The following MAST2 variants were observed in gnomAD, a reference collection of about 807,000 sequenced individuals.
MAST2 encodes microtubule-associated serine/threonine-protein kinase 2.
MAST2 carries 70 observed loss-of-function variants against 147.4 expected under a neutral mutation model. The observed-to-expected ratio is 0.47, with a 90% CI of 0.39 to 0.58. The LOEUF is 0.58. Among genes scored for constraint, MAST2 ranks in the 20% least tolerant of loss-of-function variants. The pLI, the probability that MAST2 is intolerant of heterozygous loss-of-function variation, is 0.00. For synonymous variants in MAST2, 869 were observed against 896.8 expected (o/e 0.97, Z 0.55); for missense variants, 2,080 against 2,302.3 (o/e 0.90, Z 1.98).
intron 4 of MAST2, among the ~76,000 whole-genome samples, chr1:45,939,533 AT>A (rs143649147): frequency 0.48 from 66,720 of 140,448 alleles, 15,288 homozygotes; most frequent in East Asian, 0.66. Context: ...CAATTTTTCA[AT>A]TTTTTTTTGG....
chr1:46,018,099 C>T (rs1193512775), intron 10 of MAST2, among the ~76,000 whole-genome samples: 1 of 152,130 alleles, frequency 6.6e-6, no homozygotes, highest in Non-Finnish European at 1.5e-5. Flanking sequence ...CCTAAACTTC[C>T]TTCCCCAGTT....
intron 3 of MAST2, among the ~76,000 whole-genome samples, chr1:45,876,455 T>C (rs1646610589): frequency 6.6e-6 from 1 of 152,178 alleles, no homozygotes; most frequent in Non-Finnish European, 1.5e-5. Context: ...AGTCAAGAGA[T>C]AATGAGTAGA....
chr1:46,032,026 C>T (rs534571856), intron 24 of MAST2, 152 bp from the exon 25 acceptor site: 28 of 648,190 alleles, frequency 4.3e-5, no homozygotes, highest in South Asian at 9.3e-5. Flanking sequence ...GGTCTGGACA[C>T]GGGAGAGGGC....
rs529476840 is a variant in MAST2, at chr1:45,959,466, A to G, written c.581A>G (p.His194Arg). The change falls in exon 5 of 29, where the codon CAT becomes CGT. Residue 194 changes from histidine to arginine, a missense_variant. Physicochemically the swap from His to Arg is conservative, Grantham distance 29. This residue lies in a region of MAST2 where 569 missense variants were observed against 642.5 expected (regional missense o/e 0.89). Coordinates refer to ENST00000361297, the MANE Select transcript of MAST2 (RefSeq NM_015112.3). Reference protein sequence around the residue: ...PTLPRPHSPLHGHTGNSPLDS... With the variant: ...PTLPRPHSPLRGHTGNSPLDS... ...CTACCACGGCCACACTCACCACTCC[A>G]TGGCCACACAGGTGAGTGCTTGAAG... 18 of 1,613,414 alleles carry G rather than the reference A, an allele frequency of 1.1e-5. No homozygotes were observed. In the East Asian group the frequency reaches 3.1e-4, roughly 28 times the overall value.
chr1:46,018,796 A>G (rs889054135), intron 10 of MAST2, among the ~76,000 whole-genome samples: 3 of 152,156 alleles, frequency 2.0e-5, no homozygotes, highest in African/African-American at 7.2e-5. Context: ...AGTTCTCAGG[A>G]AAAAAGAGAA....
rs2149236662 is a variant in MAST2 at position 46,010,831 on chromosome 1, T to C, written c.1080T>C (p.His360=). ...LADGALSFIH[H]QVIEMARDCL... is the part of the protein sequence containing the mutation. ...ATGGAGCCCTGAGCTTTATTCATCA[T>C]CAGGTGATTGAGATGGCCCGAGACT... Residue 360 remains histidine, a synonymous_variant, in exon 10 of 29, where the codon CAT becomes CAC. Transcript: ENST00000361297. 1 of 1,614,224 alleles carries C rather than the reference T, an allele frequency of 6.2e-7. No individual in the cohort carries two copies.
intron 5 of MAST2, among the ~76,000 whole-genome samples, chr1:45,985,973 G>A (rs1441823319): frequency 6.6e-6 from 1 of 152,084 alleles, no homozygotes. Flanking sequence ...TATTCCAGTA[G>A]CTTTATTGTA....
chr1:45,812,556 A>G (rs1644336093), intron 1 of MAST2, among the ~76,000 whole-genome samples: 1 of 151,452 alleles, frequency 6.6e-6, no homozygotes, highest in African/African-American at 2.4e-5. Flanking sequence ...GCCTCCCAGT[A>G]GCTGGGATTA....
chr1:45,931,386 T>G (rs1655277370), intron 4 of MAST2, among the ~76,000 whole-genome samples: 1 of 147,630 alleles, frequency 6.8e-6, no homozygotes, highest in Admixed American at 6.8e-5. Flanking sequence ...TGTTTTTTTT[T>G]TTTTTTTTTT....
At chr1:45,814,342 A>G (rs1644390407) in intron 1 of MAST2, among the ~76,000 whole-genome samples, 1 of 152,192 alleles carries the variant, frequency 6.6e-6, no homozygotes, top group South Asian at 2.1e-4. Flanking sequence ...ATTGCCCCTG[A>G]ATACCTTCCC....
At chr1:46,026,520 A>G (rs1188668196) in intron 16 of MAST2, among the ~76,000 whole-genome samples, 1 of 152,206 alleles carries the variant, frequency 6.6e-6, no homozygotes, top group Non-Finnish European at 1.5e-5. Flanking sequence ...ATAGAATGGC[A>G]TGCCCAGATT....
At chr1:45,960,000 G>A (rs1458266799) in intron 5 of MAST2, among the ~76,000 whole-genome samples, 2 of 152,076 alleles carry the variant, frequency 1.3e-5, no homozygotes, top group African/African-American at 4.8e-5. Context: ...TGAAATCCTA[G>A]GCTCGAGTGA....
At position 45,959,215 on chromosome 1, in the gene MAST2, G is replaced by T. The variant is rs557335793; in HGVS notation, c.501-171G>T. On this transcript the variant is annotated intron_variant, in intron 4 of 28. Coordinates refer to ENST00000361297, the MANE Select transcript of MAST2 (RefSeq NM_015112.3). ...AAGTTATTCCAAGGAGGAACACAGT[G>T]CTTTATGGAATCTAACTGGTGCCGA... 2.6e-4 allele frequency among the ~76,000 whole-genome samples: 40 copies of T among 152,280 alleles called. No homozygotes were observed. The South Asian group carries it at 7.9e-3, about 30-fold the overall frequency.
intron 6 of MAST2, chr1:46,001,071 T>C (rs1366022200): frequency 1.8e-5 from 18 of 1,018,266 alleles, no homozygotes; most frequent in Non-Finnish European, 2.4e-5. Context: ...TGAAAACTGG[T>C]TGTGATGATT....
intron 5 of MAST2, among the ~76,000 whole-genome samples, chr1:45,967,477 G>A (rs946633207): frequency 3.3e-5 from 5 of 152,114 alleles, no homozygotes; most frequent in Admixed American, 2.0e-4. Context: ...TATGTTTTAT[G>A]TATTATATAC....
intron 4 of MAST2, among the ~76,000 whole-genome samples, chr1:45,935,116 T>G (rs928629643): frequency 1.3e-5 from 2 of 152,232 alleles, no homozygotes; most frequent in African/African-American, 4.8e-5. Context: ...AAATGGTATC[T>G]CCTTGTGGTT....
chr1:46,033,416 G>A (rs1417124589), intron 26 of MAST2, among the ~76,000 whole-genome samples: 1 of 151,796 alleles, frequency 6.6e-6, no homozygotes, highest in Non-Finnish European at 1.5e-5. Flanking sequence ...TCCAGCCTGG[G>A]TGACAGAGTG....
chr1:46,035,533 C>A lies in MAST2; in HGVS notation c.4864C>A (p.Leu1622Ile), dbSNP rs1571316568. The A allele has an allele frequency of 6.2e-7, 1 of 1,613,432 alleles. No homozygotes were observed. Residue 1622 changes from leucine (L) to isoleucine (I), a missense_variant, in exon 29 of 29, where the codon CTC becomes ATC. Leu to Ile is a conservative substitution (Grantham distance 5). Transcript: ENST00000361297. The surrounding 1 kb of genome is among the most constrained non-coding windows in gnomAD (Gnocchi z 5.5). Reference protein sequence around the residue: ...PPEGCWKAQHLHTQALTALSP... With the variant: ...PPEGCWKAQHIHTQALTALSP... ...TGAAGGTTGCTGGAAGGCCCAGCACCTCCACACCCAGGCACTAACAGCACT... is the reference window on the plus strand; with the variant it reads ...TGAAGGTTGCTGGAAGGCCCAGCACATCCACACCCAGGCACTAACAGCACT...
chr1:45,941,886 A>T (rs1434751976), intron 4 of MAST2, among the ~76,000 whole-genome samples: 1 of 152,250 alleles, frequency 6.6e-6, no homozygotes, highest in Non-Finnish European at 1.5e-5. Flanking sequence ...TAACACAATT[A>T]TGAAGAAGTG....
Sources: gnomAD v4.1 joint callset for allele counts (sites outside exome capture counted in the v4.1 genomes callset) on GRCh38, gnomAD v4.1.1 for gene constraint, gnomAD v4.1.1 regional missense constraint, Gnocchi (gnomAD v3.1) non-coding constraint, MANE v1.5 for transcripts, NCBI Gene and HGNC (gene_info 2026-07-23, HGNC 2026-07-21) for gene names.